The following XPA variants were observed in gnomAD, a reference collection of about 807,000 sequenced individuals.
XPA encodes XPA, DNA damage recognition and repair factor.
A neutral mutation model predicts 35.7 loss-of-function variants in XPA; 27 were observed. The ratio of observed to expected loss-of-function variants is 0.76; its 90% CI spans 0.56 to 1.04. XPA has a LOEUF of 1.04. Among genes scored for constraint, XPA ranks in the 50% least tolerant of loss-of-function variants. XPA has a pLI of 0.00. For missense variants in XPA, 354 were observed against 342.7 expected, an observed-to-expected ratio of 1.03 and a Z score of -0.26; for synonymous variants, 133 against 118.4, an observed-to-expected ratio of 1.12 and a Z score of -0.80.
At chr9:97,664,326 TTCTC>T in the XPA span, 10 of 1,529,142 alleles carry the variant, frequency 6.5e-6, no homozygotes, top group South Asian at 2.2e-5. Context: ...ACTTGAATAA[TTCTC>T]TCATTGTAGA....
Position 97,684,942 on chromosome 9 carries a change from TTTC to T in XPA, c.651_653del (p.Lys218del). On this transcript the variant is annotated inframe_deletion, in exon 5 of 6. Coordinates refer to ENST00000375128, the MANE Select transcript of XPA (RefSeq NM_000380.4). ...ATCTACCTTTTACTTTTTTATCAAATTTCTTCTGTTTCATTTTTTCTCGGTTTT... is the reference window on the plus strand; with the variant it reads ...ATCTACCTTTTACTTTTTTATCAAATTTCTGTTTCATTTTTTCTCGGTTTT... The T allele has an allele frequency of 6.2e-7, 1 of 1,613,480 alleles. No individual in the cohort carries two copies. The highest frequency in any genetic ancestry group is 8.5e-7 in the Non-Finnish European group (1 of 1,179,618).
At chr9:97,671,337 TG>T (rs1339006519), downstream of XPA, 1 of 621,742 alleles carries the variant, frequency 1.6e-6, no homozygotes, top group Non-Finnish European at 2.7e-6. Flanking sequence ...GGACAGTGAA[TG>T]AACATGGCAT....
chr9:97,660,358 G>A, the XPA span, among the ~76,000 whole-genome samples: 1 of 152,078 alleles, frequency 6.6e-6, no homozygotes, highest in Non-Finnish European at 1.5e-5. Context: ...TTTATAATAA[G>A]GACTCAACTG....
At chr9:97,679,217 T>A (rs1205659778) in intron 5 of XPA, among the ~76,000 whole-genome samples, 1 of 152,120 alleles carries the variant, frequency 6.6e-6, no homozygotes, top group Non-Finnish European at 1.5e-5. Flanking sequence ...TAAAGGGTGG[T>A]GATGTATACA....
intron 1 of XPA, 68 bp from the exon 2 acceptor site, chr9:97,693,827 T>C (rs1828964517): frequency 4.9e-6 from 7 of 1,442,358 alleles, no homozygotes; most frequent in Admixed American, 3.4e-5. Flanking sequence ...TGTTCATAAA[T>C]AGAAAATTCC....
chr9:97,671,257 T>G (rs1243217757), downstream of XPA: 2 of 1,277,534 alleles, frequency 1.6e-6, no homozygotes, highest in East Asian at 2.3e-5. Flanking sequence ...ATTTGTCTTA[T>G]TTTTTGATGG....
chr9:97,685,183 T>A, intron 4 of XPA, 143 bp from the exon 5 acceptor site: 1 of 633,690 alleles, frequency 1.6e-6, no homozygotes, highest in Non-Finnish European at 2.6e-6. Context: ...TTAAAGATTT[T>A]AAATATTAAT....
At chr9:97,677,693 CAA>C (rs1473576311) in intron 5 of XPA, among the ~76,000 whole-genome samples, 1 of 150,916 alleles carries the variant, frequency 6.6e-6, no homozygotes, top group African/African-American at 2.4e-5. Flanking sequence ...AAGACTGTCT[CAA>C]AGAAAAAAAC....
chr9:97,664,500 C>G, the XPA span: 2 of 1,151,398 alleles, frequency 1.7e-6, no homozygotes, highest in Admixed American at 3.7e-5. Context: ...TATGTGTGGT[C>G]TCTTATACAT....
At chr9:97,656,302 C>G in the XPA span, among the ~76,000 whole-genome samples, 1 of 152,240 alleles carries the variant, frequency 6.6e-6, no homozygotes, top group South Asian at 2.1e-4. Context: ...ATGTCACAGG[C>G]CGGGCGCAGT....
intron 5 of XPA, chr9:97,682,539 T>C (rs989450307): frequency 1.5e-4 from 70 of 478,080 alleles, no homozygotes; most frequent in South Asian, 9.6e-4. Flanking sequence ...TAGGTATTCA[T>C]ATGCACAAAA....
At chr9:97,692,302 A>T (rs1329818171) in intron 2 of XPA, among the ~76,000 whole-genome samples, 1 of 152,162 alleles carries the variant, frequency 6.6e-6, no homozygotes, top group Non-Finnish European at 1.5e-5. Flanking sequence ...AAAGAAAAAA[A>T]AAAGAAAAGG....
In XPA at chr9:97,693,672, A is replaced by C; in HGVS notation, c.260T>G (p.Ile87Ser). Residue 87 changes from isoleucine to serine, a missense_variant, in exon 2 of 6, where the codon ATT becomes AGT. Ile to Ser is a moderately radical substitution (Grantham distance 142). Transcript: ENST00000375128. Reference sequence around the variant, plus strand: ...ACCTGGTTGATGAACAACTTTTCCAATTTTCTGTTCTTCTTCTTCTTCCTC... The same window carrying C: ...ACCTGGTTGATGAACAACTTTTCCACTTTTCTGTTCTTCTTCTTCTTCCTC... ...LEEEEEEEQKIGKVVHQPGPV... is the reference protein window; with the variant it reads ...LEEEEEEEQKSGKVVHQPGPV... The C allele has an allele frequency of 6.2e-7, 1 of 1,613,422 alleles. No homozygotes were observed.
chr9:97,664,304 T>C, the XPA span: 1 of 1,290,072 alleles, frequency 7.8e-7, no homozygotes, highest in Non-Finnish European at 1.1e-6. Flanking sequence ...TGTGTATGTG[T>C]GTGTGTGATT....
chr9:97,691,477 G>A (rs932926299), intron 2 of XPA, among the ~76,000 whole-genome samples: 2 of 152,274 alleles, frequency 1.3e-5, no homozygotes, highest in African/African-American at 2.4e-5. Flanking sequence ...CAAGGTGGGT[G>A]GATCACTTGA....
downstream of XPA, chr9:97,671,121 G>A: frequency 6.2e-7 from 1 of 1,613,470 alleles, no homozygotes. Context: ...TGGTGACCCT[G>A]GAGAACCTTC....
intron 4 of XPA, 53 bp downstream of exon 4, chr9:97,687,039 AGTTT>A (rs756742388): frequency 1.9e-6 from 3 of 1,547,070 alleles, no homozygotes; most frequent in African/African-American, 1.4e-5. Context: ...AATTATGACT[AGTTT>A]GTTATTAAGA....
Position 97,675,127 on chromosome 9 carries a change from T to C in XPA, c.*312A>G. On this transcript the variant is annotated 3_prime_UTR_variant, in exon 6 of 6. Transcript: ENST00000375128. Reference sequence around the variant, plus strand: ...TTTTCCCTCTACCCCAATCTAGGGTTTGCCTTGGTATCTTGTCCTCAAATT... The same window carrying C: ...TTTTCCCTCTACCCCAATCTAGGGTCTGCCTTGGTATCTTGTCCTCAAATT... 1.8e-6 allele frequency: 1 copy of C among 556,274 alleles called. No individual in the cohort carries two copies. The highest frequency in any genetic ancestry group is 3.4e-6 in the Non-Finnish European group (1 of 292,126). 34.5% of individuals were successfully genotyped at this position (556,274 alleles called of 1,614,324 possible).
the XPA span, among the ~76,000 whole-genome samples, chr9:97,658,928 G>T: frequency 6.6e-6 from 1 of 152,176 alleles, no homozygotes; most frequent in African/African-American, 2.4e-5. Flanking sequence ...GGATTTGGTT[G>T]TGATAAAATT....
Sources: gnomAD v4.1 joint callset for allele counts (sites outside exome capture counted in the v4.1 genomes callset) on GRCh38, gnomAD v4.1.1 for gene constraint, MANE v1.5 for transcripts, NCBI Gene and HGNC (gene_info 2026-07-23, HGNC 2026-07-21) for gene names.